Variants in LSMEM2 observed in about 807,000 individuals in gnomAD.
LSMEM2 encodes the protein leucine rich single-pass membrane protein 2.
In LSMEM2, 20 loss-of-function variants were observed where a neutral mutation model predicts 17.3. That is an observed-to-expected ratio of 1.16 (90% CI 0.81 to 1.68). LSMEM2 has a LOEUF of 1.68. Among genes scored for constraint, LSMEM2 ranks in the 40% most tolerant of loss-of-function variants. LSMEM2 has a pLI of 0.00. For missense variants in LSMEM2, 207 were observed against 214.3 expected (o/e 0.97, Z 0.21); for synonymous variants, 94 against 97.8 (o/e 0.96, Z 0.23).
Position 50,286,742 on chromosome 3 carries a change from C to A in LSMEM2, c.241C>A (p.Pro81Thr), listed in dbSNP as rs1553708574. 4 of 1,614,274 alleles carry A rather than the reference C, an allele frequency of 2.5e-6. No homozygotes were observed. The East Asian group carries it at 8.9e-5, about 36-fold the overall frequency. ...GGATGAGCTGCTGGGCGTTTTGCCG[C>A]CGTCACTGTGTGCCCAGGCTGGCTG... ...PWDELLGVLP[P>T]SLCAQAGCSP... is the part of the protein sequence containing the mutation. The change falls in exon 3 of 4, where the codon CCG (proline) becomes ACG (threonine). Residue 81 changes from proline (P) to threonine (T), a missense_variant. Transcript: ENST00000316436.
At chr3:50,281,459 T>C (rs868906139) in intron 1 of LSMEM2, among the ~76,000 whole-genome samples, 33 of 149,334 alleles carry the variant, frequency 2.2e-4, no homozygotes, top group Admixed American at 4.7e-4. Flanking sequence ...GCCTCCCAGG[T>C]TCAAGTGATT....
At chr3:50,281,831 A>C (rs1384824465) in intron 1 of LSMEM2, among the ~76,000 whole-genome samples, 2 of 151,296 alleles carry the variant, frequency 1.3e-5, no homozygotes, top group Admixed American at 1.3e-4. Context: ...GAAGCATGCC[A>C]CCACACCAAA....
chr3:50,287,067 A>T lies in LSMEM2; in HGVS notation c.362-2A>T. The T allele has an allele frequency of 6.2e-7, 1 of 1,613,998 alleles. No individual in the cohort carries two copies. The highest frequency in any genetic ancestry group is 8.5e-7 in the Non-Finnish European group (1 of 1,179,874). ...TGATGATCCCCCACTTCCCATTCAC[A>T]GTGCTGCAGAGTGAATCCCTGCGCA... On this transcript the variant is annotated splice_acceptor_variant, in intron 3 of 3. Transcript: ENST00000316436. LOFTEE classifies it high-confidence loss of function.
In LSMEM2 at chr3:50,288,084, T is replaced by TA. The variant is rs200386050; in HGVS notation, c.*890dup. ...CCATGTCTGTTTTTGGTTTTGTCAT[T>TA]AAAAAAAATAAAGTGACAAATACTG... On this transcript the variant is annotated 3_prime_UTR_variant, in exon 4 of 4. Coordinates refer to ENST00000316436, the MANE Select transcript of LSMEM2 (RefSeq NM_153215.3). The TA allele has an allele frequency of 8.8e-4, 944 of 1,077,352 alleles. 1 individual carries two copies. Among genetic ancestry groups the TA allele is most frequent in the Admixed American group, 1.3e-3 (61 of 47,442 alleles). The allele number at this position is 1,077,352 out of a possible 1,614,324, so 66.7% of individuals were successfully genotyped here. A position where few individuals can be genotyped will look rare whatever the true frequency, so the allele number is the denominator to read the frequency against.
At chr3:50,280,902 G>A (rs782294538) in intron 1 of LSMEM2, among the ~76,000 whole-genome samples, 6 of 151,612 alleles carry the variant, frequency 4.0e-5, no homozygotes, top group Non-Finnish European at 7.4e-5. Flanking sequence ...CAGCCACCTT[G>A]GCCTTTCAAA....
At position 50,287,168 on chromosome 3, in the gene LSMEM2, G is replaced by T. The variant is rs782002459; in HGVS notation, c.461G>T (p.Arg154Met). Residue 154 changes from arginine (R) to methionine (M), a missense_variant, in exon 4 of 4, where the codon AGG (arginine) becomes ATG (methionine). Physicochemically the swap from Arg to Met is moderately conservative, Grantham distance 91. Transcript: ENST00000316436. ...LRLASLSQLRRLNSSEAQAPS is the reference protein window; with the variant it reads ...LRLASLSQLRMLNSSEAQAPS Reference sequence around the variant, plus strand: ...TTGGCCAGCCTCAGCCAGCTTCGGAGGCTCAACTCCAGTGAGGCCCAAGCA... The same window carrying T: ...TTGGCCAGCCTCAGCCAGCTTCGGATGCTCAACTCCAGTGAGGCCCAAGCA... 2 of 1,614,058 alleles carry T rather than the reference G, an allele frequency of 1.2e-6. No homozygotes were observed. Among genetic ancestry groups the T allele is most frequent in the Non-Finnish European group, 1.7e-6 (2 of 1,180,016 alleles).
intron 1 of LSMEM2, 149 bp from the exon 2 acceptor site, chr3:50,286,322 A>C: frequency 8.5e-7 from 1 of 1,177,610 alleles, no homozygotes; most frequent in Non-Finnish European, 1.2e-6. Context: ...GATCCAAATC[A>C]AGGGTAATTC....
At chr3:50,282,856 T>A (rs1394054760) in intron 1 of LSMEM2, among the ~76,000 whole-genome samples, 2 of 146,520 alleles carry the variant, frequency 1.4e-5, no homozygotes, top group Non-Finnish European at 3.0e-5. Context: ...TGTACTCCAG[T>A]CTGGGTGACA....
upstream of LSMEM2, among the ~76,000 whole-genome samples, chr3:50,278,390 A>C (rs1174997261): frequency 4.6e-5 from 7 of 152,206 alleles, no homozygotes; most frequent in Non-Finnish European, 7.3e-5. Context: ...AAAACCGTGG[A>C]TTGTGCTAAA....
At position 50,286,000 on chromosome 3, in the gene LSMEM2, T is replaced by C. The variant is rs138706222; in HGVS notation, c.59-471T>C. ...GAATGAAAACAGCAGGGTTCACACA[T>C]GTACAGCAGAGTCACACTGAGTATG... On this transcript the variant is annotated intron_variant, in intron 1 of 3. Coordinates refer to ENST00000316436, the MANE Select transcript of LSMEM2 (RefSeq NM_153215.3). Among the ~76,000 whole-genome samples, 872 of 152,310 alleles carry C rather than the reference T, an allele frequency of 5.7e-3. 8 individuals are homozygous for C. The highest frequency in any genetic ancestry group is 0.02 in the African/African-American group (822 of 41,570).
Position 50,287,930 on chromosome 3 carries a change from G to C in LSMEM2, c.*728G>C. 4.2e-6 allele frequency: 2 copies of C among 471,220 alleles called. No individual in the cohort carries two copies. Among genetic ancestry groups the C allele is most frequent in the Non-Finnish European group, 3.9e-6 (1 of 259,682 alleles). The allele number at this position is 471,220 out of a possible 1,614,324, so 29.2% of individuals were successfully genotyped here. On this transcript the variant is annotated 3_prime_UTR_variant, in exon 4 of 4. Coordinates refer to ENST00000316436, the MANE Select transcript of LSMEM2 (RefSeq NM_153215.3). ...GAAAGGAAGGGAAAGGCCCCCTAGT[G>C]CCTGCCCCACAGCCCTGAGGAAGGC... is the stretch of plus-strand genomic sequence containing the variant.
chr3:50,283,545 C>T (rs183951649), intron 1 of LSMEM2, among the ~76,000 whole-genome samples: 12 of 147,380 alleles, frequency 8.1e-5, no homozygotes, highest in South Asian at 2.2e-4. Context: ...GAGAATGGCA[C>T]GAACCTGGGA....
chr3:50,283,340 A>C (rs1553707986), intron 1 of LSMEM2, among the ~76,000 whole-genome samples: 1 of 151,964 alleles, frequency 6.6e-6, no homozygotes, highest in East Asian at 1.9e-4. Flanking sequence ...AAAAAATACA[A>C]AAATTGGCCG....
At position 50,279,163 on chromosome 3, in the gene LSMEM2, C is replaced by T. The variant is rs1701339128; in HGVS notation, c.50C>T (p.Thr17Ile). Residue 17 changes from threonine (T) to isoleucine (I), a missense_variant, in exon 1 of 4, where the codon ACC becomes ATC. Coordinates refer to ENST00000316436, the MANE Select transcript of LSMEM2 (RefSeq NM_153215.3). ...CCACTGCTTGCCATGCCTGAGGAGA[C>T]CCAAGAAGGTAGGAGAGGGTGACCA... is the stretch of plus-strand genomic sequence containing the variant. ...DCPLLAMPEETQEDSVAPMMP... is the reference protein window; with the variant it reads ...DCPLLAMPEEIQEDSVAPMMP... 6.2e-7 allele frequency: 1 copy of T among 1,614,090 alleles called. No individual in the cohort carries two copies. The highest frequency in any genetic ancestry group is 8.5e-7 in the Non-Finnish European group (1 of 1,179,976).
At chr3:50,281,624 A>G (rs1203070740) in intron 1 of LSMEM2, among the ~76,000 whole-genome samples, 1 of 151,028 alleles carries the variant, frequency 6.6e-6, no homozygotes, top group Non-Finnish European at 1.5e-5. Flanking sequence ...TGGCCTCCCA[A>G]AGTGCTGGGA....
chr3:50,286,415 TAGAA>T, intron 1 of LSMEM2, 52 bp from the exon 2 acceptor site: 1 of 1,522,418 alleles, frequency 6.6e-7, no homozygotes, highest in Non-Finnish European at 8.8e-7. Context: ...AGCCACCTGG[TAGAA>T]GGAAGGGGGT....
intron 1 of LSMEM2, among the ~76,000 whole-genome samples, chr3:50,279,658 C>G (rs911664467): frequency 2.0e-5 from 3 of 152,164 alleles, no homozygotes; most frequent in Non-Finnish European, 4.4e-5. Context: ...TTGGCCTGGT[C>G]AGACAGAGAC....
Position 50,288,012 on chromosome 3 carries a change from G to C in LSMEM2, c.*810G>C. The C allele has an allele frequency of 1.6e-6, 1 of 619,254 alleles. No individual in the cohort carries two copies. 38.4% of individuals were successfully genotyped at this position (619,254 alleles called of 1,614,324 possible). On this transcript the variant is annotated 3_prime_UTR_variant, in exon 4 of 4. Transcript: ENST00000316436. ...AAGGGGCCACAGGGCTGAGTGCAGG[G>C]ACAAAGGGGTCAGGGTCCCAAGTGT...
At chr3:50,286,967 A>G in intron 3 of LSMEM2, 102 bp from the exon 4 acceptor site, 1 of 1,587,850 alleles carries the variant, frequency 6.3e-7, no homozygotes, top group Non-Finnish European at 8.6e-7. Context: ...GCAGCAGTGA[A>G]GGATGGGGCG....
Sources: gnomAD v4.1 joint callset for allele counts (sites outside exome capture counted in the v4.1 genomes callset) on GRCh38, gnomAD v4.1.1 for gene constraint, MANE v1.5 for transcripts, NCBI Gene and HGNC (gene_info 2026-07-23, HGNC 2026-07-21) for gene names.